VIPR1: variants seen among roughly 807,000 people sequenced by gnomAD.
VIPR1 encodes vasoactive intestinal peptide receptor 1.
Under a neutral mutation model 58.8 loss-of-function variants are expected in VIPR1, and 59 were observed. The ratio of observed to expected loss-of-function variants is 1.00; its 90% CI spans 0.81 to 1.25. The LOEUF (loss-of-function observed/expected upper bound fraction) is 1.25, where lower values mean the gene tolerates loss of function less well. Among genes scored for constraint, VIPR1 ranks in the 50% most tolerant of loss-of-function variants. The pLI is 0.00. For synonymous variants in VIPR1, 251 were observed against 242.1 expected (o/e 1.04, Z -0.34); for missense variants, 626 against 602.7 (o/e 1.04, Z -0.40).
intron 1 of VIPR1, among the ~76,000 whole-genome samples, chr3:42,510,060 A>C (rs1022251537): frequency 6.6e-6 from 1 of 152,180 alleles, no homozygotes; most frequent in African/African-American, 2.4e-5. Context: ...GAAAACTGGC[A>C]TTCCAGGCCC....
At position 42,527,987 on chromosome 3, in the gene VIPR1, A is replaced by T; in HGVS notation, c.504-4A>T. ...GGCCTCCCAGATCTGCCCACCCCAC[A>T]CAGGAAGCTCCACTGCACGCGGAAC... On this transcript the variant is annotated splice_polypyrimidine_tract_variant and splice_region_variant and intron_variant, in intron 5 of 12. Coordinates refer to ENST00000325123, the MANE Select transcript of VIPR1 (RefSeq NM_004624.4). 1.2e-6 allele frequency: 2 copies of T among 1,613,652 alleles called. No homozygotes were observed. Among genetic ancestry groups the T allele is most frequent in the African/African-American group, 1.3e-5 (1 of 75,010 alleles).
intron 2 of VIPR1, among the ~76,000 whole-genome samples, chr3:42,518,151 T>G (rs139388129): frequency 6.6e-6 from 1 of 152,090 alleles, no homozygotes; most frequent in African/African-American, 2.4e-5. Context: ...GAAAGTAATT[T>G]ACAATAAAGT....
chr3:42,497,084 G>A (rs148846986), intron 1 of VIPR1, among the ~76,000 whole-genome samples: 46 of 152,186 alleles, frequency 3.0e-4, no homozygotes, highest in African/African-American at 7.7e-4. Context: ...AATCTCTGCC[G>A]AAGGTCAGCT....
Position 42,522,620 on chromosome 3 carries a change from G to A in VIPR1, c.293-3267G>A, listed in dbSNP as rs114720781. On this transcript the variant is annotated intron_variant, in intron 3 of 12. Transcript: ENST00000325123. Reference sequence around the variant, plus strand: ...CTTGCTGGCTGGGATGGGACACCACGGCAGGGAATCAGCAGGAGAGTTCCA... The same window carrying A: ...CTTGCTGGCTGGGATGGGACACCACAGCAGGGAATCAGCAGGAGAGTTCCA... 7.0e-3 allele frequency among the ~76,000 whole-genome samples: 1,069 copies of A among 152,204 alleles called. 14 individuals carry two copies. The highest frequency in any genetic ancestry group is 0.024 in the African/African-American group (1,002 of 41,530).
At chr3:42,507,375 C>T (rs1047808055) in intron 1 of VIPR1, 2 of 152,264 alleles carry the variant, frequency 1.3e-5, no homozygotes, top group African/African-American at 4.8e-5. Context: ...TTTCGTGCAG[C>T]CCCTCTCATG....
At chr3:42,507,589 A>G (rs1017828477) in intron 1 of VIPR1, among the ~76,000 whole-genome samples, 1 of 152,230 alleles carries the variant, frequency 6.6e-6, no homozygotes, top group Non-Finnish European at 1.5e-5. Context: ...CACTGTGTTT[A>G]TAAGCTGAGT....
chr3:42,536,241 G>A lies in VIPR1; in HGVS notation c.1334G>A (p.Arg445His). 6.3e-7 allele frequency: 1 copy of A among 1,584,940 alleles called. No individual in the cohort carries two copies. Among genetic ancestry groups the A allele is most frequent in the Non-Finnish European group, 8.5e-7 (1 of 1,169,914 alleles). ...CTGACCCGCGTCAGCCCAGGTGCCCGCCGCTCCTCCAGCTTCCAAGCCGAA... is the reference window on the plus strand; with the variant it reads ...CTGACCCGCGTCAGCCCAGGTGCCCACCGCTCCTCCAGCTTCCAAGCCGAA... ...SMLTRVSPGA[R>H]RSSSFQAEVS... The change falls in exon 13 of 13, where the codon CGC becomes CAC. Residue 445 changes from arginine to histidine, a missense_variant. By Grantham distance (29) the Arg-to-His change is conservative (BLOSUM62 0). Coordinates refer to ENST00000325123, the MANE Select transcript of VIPR1 (RefSeq NM_004624.4).
intron 6 of VIPR1, 40 bp downstream of exon 6, chr3:42,528,163 C>G (rs571599735): frequency 1.2e-6 from 2 of 1,604,174 alleles, no homozygotes; most frequent in Non-Finnish European, 1.7e-6. Flanking sequence ...TCAGTCTCGC[C>G]GTTATCTTTA....
At chr3:42,515,517 C>T (rs1386897790) in intron 2 of VIPR1, among the ~76,000 whole-genome samples, 1 of 152,252 alleles carries the variant, frequency 6.6e-6, no homozygotes, top group African/African-American at 2.4e-5. Context: ...GCGCACCTCC[C>T]ACGCCTGGGG....
At chr3:42,496,038 A>C (rs1329533953) in intron 1 of VIPR1, among the ~76,000 whole-genome samples, 2 of 152,102 alleles carry the variant, frequency 1.3e-5, no homozygotes, top group Non-Finnish European at 2.9e-5. Context: ...GGAGTTCGAG[A>C]CCAGCCTGGC....
At chr3:42,514,620 T>C (rs1700535876) in intron 2 of VIPR1, among the ~76,000 whole-genome samples, 1 of 148,648 alleles carries the variant, frequency 6.7e-6, no homozygotes, top group African/African-American at 2.5e-5. Flanking sequence ...GCAAACACAC[T>C]GGCCTCTCCA....
In VIPR1 at chr3:42,502,743, C is replaced by T; in HGVS notation, c.8C>T (p.Pro3Leu). MR[P>L]PSPLPARWLC... ...GCGGGCTCAGGGCAGACCATGCGCC[C>T]GCCAAGTCCGCTGCCCGCCCGCTGG... is the stretch of plus-strand genomic sequence containing the variant. The change falls in exon 1 of 13, where the codon CCG (proline) becomes CTG (leucine). Residue 3 changes from proline (P) to leucine (L), a missense_variant. Pro to Leu is a moderately conservative substitution (Grantham distance 98). Coordinates refer to ENST00000325123, the MANE Select transcript of VIPR1 (RefSeq NM_004624.4). 7.6e-7 allele frequency: 1 copy of T among 1,313,860 alleles called. No homozygotes were observed. The highest frequency in any genetic ancestry group is 9.7e-7 in the Non-Finnish European group (1 of 1,034,232). The allele number at this position is 1,313,860 out of a possible 1,614,324, so 81.4% of individuals were successfully genotyped here.
Position 42,537,092 on chromosome 3 carries a change from T to C in VIPR1, c.*811T>C, listed in dbSNP as rs1474848945. ...GGATCTGTCACACCAGCCATACTTA[T>C]CTCTCTGTGCTGTGGAAGCAACAGG... On this transcript the variant is annotated 3_prime_UTR_variant, in exon 13 of 13. Coordinates refer to ENST00000325123, the MANE Select transcript of VIPR1 (RefSeq NM_004624.4). 51 of 152,240 alleles carry C rather than the reference T, an allele frequency of 3.3e-4. 2 individuals carry two copies. The highest frequency in any genetic ancestry group is 3.3e-3 in the Admixed American group (51 of 15,280). 9.4% of individuals were successfully genotyped at this position (152,240 alleles called of 1,614,324 possible). A position where few individuals can be genotyped will look rare whatever the true frequency, so the allele number is the denominator to read the frequency against.
Position 42,536,301 on chromosome 3 carries a change from C to T in VIPR1, c.*20C>T. On this transcript the variant is annotated 3_prime_UTR_variant, in exon 13 of 13. Transcript: ENST00000325123. The stretch of plus-strand genomic sequence containing the variant: ...GTCTGACCACCAGGATCCCAGGGGC[C>T]CAAGGCGGCCCCTCCCGCCCCTTCC... 1 of 1,499,420 alleles carries T rather than the reference C, an allele frequency of 6.7e-7. No homozygotes were observed. Among genetic ancestry groups the T allele is most frequent in the Non-Finnish European group, 8.9e-7 (1 of 1,128,546 alleles). 92.9% of individuals were successfully genotyped at this position (1,499,420 alleles called of 1,614,324 possible). A position where few individuals can be genotyped will look rare whatever the true frequency, so the allele number is the denominator to read the frequency against.
rs1699671380 is a variant in VIPR1, at chr3:42,491,787, C to T, written c.-245+2109C>T. ...CTGGGCTTTCGCCATGTTGGCCAGG[C>T]TGGTCTCGAACTCCTGACCTCAAGT... On this transcript the variant is annotated intron_variant, in intron 1 of 13. Transcript: ENST00000433647. 1.3e-5 allele frequency among the ~76,000 whole-genome samples: 2 copies of T among 152,172 alleles called. 1 individual carries two copies. Among genetic ancestry groups the T allele is most frequent in the South Asian group, 4.1e-4 (2 of 4,836 alleles).
intron 1 of VIPR1, among the ~76,000 whole-genome samples, chr3:42,497,338 A>T (rs1228716261): frequency 6.6e-6 from 1 of 152,066 alleles, no homozygotes; most frequent in Non-Finnish European, 1.5e-5. Context: ...CTCCCTGCAC[A>T]CGCTGGCCAA....
At chr3:42,531,641 G>T in intron 8 of VIPR1, 110 bp downstream of exon 8, 2 of 1,560,194 alleles carry the variant, frequency 1.3e-6, no homozygotes, top group Non-Finnish European at 1.8e-6. Flanking sequence ...CACAGCTCTC[G>T]GGCCAGAGGG....
rs150605345 is a variant in VIPR1, at chr3:42,525,805, C to A, written c.293-82C>A. Reference sequence around the variant, plus strand: ...GGGTTGGTGGGAGTAGGGCTGAATTCTCTGCCTTGTTCCAAGCAGAGACAG... The same window carrying A: ...GGGTTGGTGGGAGTAGGGCTGAATTATCTGCCTTGTTCCAAGCAGAGACAG... On this transcript the variant is annotated intron_variant, in intron 3 of 12. Coordinates refer to ENST00000325123, the MANE Select transcript of VIPR1 (RefSeq NM_004624.4). The A allele has an allele frequency of 9.2e-5, 129 of 1,400,818 alleles. No homozygotes were observed. The African/African-American group carries it at 1.5e-3, about 17-fold the overall frequency. The allele number at this position is 1,400,818 out of a possible 1,614,324, so 86.8% of individuals were successfully genotyped here.
At chr3:42,489,522 A>C (rs1377962191) in exon 1 of VIPR1, 1 of 152,208 alleles carries the variant, frequency 6.6e-6, no homozygotes. Context: ...GCTTCCCCCC[A>C]ATCAGAAGGG....
Sources: allele counts gnomAD v4.1 joint callset (sites outside exome capture counted in the v4.1 genomes callset), GRCh38; gene constraint gnomAD v4.1.1; transcripts MANE v1.5; gene names NCBI Gene and HGNC (gene_info 2026-07-23, HGNC 2026-07-21).